The following HPS5 variants were observed in gnomAD, a reference collection of about 807,000 sequenced individuals.
HPS5 encodes BLOC-2 complex member HPS5.
Under a neutral mutation model 128.0 loss-of-function variants are expected in HPS5, and 83 were observed. The observed-to-expected ratio is 0.65, with a 90% CI of 0.54 to 0.78. The LOEUF (loss-of-function observed/expected upper bound fraction) is 0.78. Ranked by LOEUF, HPS5 falls within the 30% of genes least tolerant of loss-of-function variation. The probability of loss-of-function intolerance (pLI) is 0.00; values close to 1 mark genes in which losing one functional copy is unlikely to be tolerated. For missense variants in HPS5, 1,281 were observed against 1,326.2 expected, an observed-to-expected ratio of 0.97 and a Z score of 0.53; for synonymous variants, 475 against 470.2, an observed-to-expected ratio of 1.01 and a Z score of -0.13.
At chr11:18,302,191 A>G (rs1023964555) in intron 8 of HPS5, among the ~76,000 whole-genome samples, 1 of 151,984 alleles carries the variant, frequency 6.6e-6, no homozygotes, top group African/African-American at 2.4e-5. Flanking sequence ...TCTGGTCTGG[A>G]GGACTCATTT....
chr11:18,291,942 A>G lies in HPS5; in HGVS notation c.1940T>C (p.Leu647Ser), dbSNP rs781166596. 1.8e-4 allele frequency: 285 copies of G among 1,607,726 alleles called. No homozygotes were observed. The highest frequency in any genetic ancestry group is 2.4e-4 in the Non-Finnish European group (279 of 1,178,520). The stretch of plus-strand genomic sequence containing the variant: ...GTCCTTCATGGCAAATGTTTTTTCT[A>G]AATGTGAAAGCCACTCCTGTAAAAC... Reference protein sequence around the residue: ...RMVLQEWLSHLEKTFAMKDFS... With the variant: ...RMVLQEWLSHSEKTFAMKDFS... Residue 647 changes from leucine (L) to serine (S), a missense_variant, in exon 16 of 23, where the codon TTA becomes TCA. Leu to Ser is a moderately radical substitution (Grantham distance 145). Coordinates refer to ENST00000349215, the MANE Select transcript of HPS5 (RefSeq NM_181507.2).
At position 18,297,564 on chromosome 11, in the gene HPS5, A is replaced by T; in HGVS notation, c.1318T>A (p.Ser440Thr). Residue 440 changes from serine to threonine, a missense_variant, in exon 11 of 23, where the codon TCA becomes ACA. Physicochemically the swap from Ser to Thr is moderately conservative, Grantham distance 58. Coordinates refer to ENST00000349215, the MANE Select transcript of HPS5 (RefSeq NM_181507.2). ...ACSSRRSSISSHESFSILDSG... is the reference protein window; with the variant it reads ...ACSSRRSSISTHESFSILDSG... The stretch of plus-strand genomic sequence containing the variant: ...TTAAAGGTGAGAATACTTACATGTG[A>T]TGAAATGGAGCTTCTTCTACTGCTA... 1 of 1,613,586 alleles carries T rather than the reference A, an allele frequency of 6.2e-7. No homozygotes were observed. The highest frequency in any genetic ancestry group is 8.5e-7 in the Non-Finnish European group (1 of 1,179,732).
At chr11:18,311,674 CT>C in intron 3 of HPS5, 1 of 559,700 alleles carries the variant, frequency 1.8e-6, no homozygotes, top group Non-Finnish European at 3.2e-6. Context: ...CCACGCCCAG[CT>C]AATTTTTGTG....
chr11:18,309,216 T>G, intron 5 of HPS5, 137 bp from the exon 6 acceptor site: 5 of 810,422 alleles, frequency 6.2e-6, no homozygotes, highest in Non-Finnish European at 9.9e-6. Flanking sequence ...TTAATTTGCT[T>G]GTAAGGATAT....
At chr11:18,283,618 T>C (rs1164892127) in intron 21 of HPS5, among the ~76,000 whole-genome samples, 177 bp downstream of exon 21, 1 of 152,030 alleles carries the variant, frequency 6.6e-6, no homozygotes, top group Admixed American at 6.6e-5. Context: ...TCATAACATA[T>C]CAAGGGCTAT....
At position 18,278,928 on chromosome 11, in the gene HPS5, T is replaced by C. The variant is rs1050098604; in HGVS notation, c.*954A>G. 1.3e-5 allele frequency: 2 copies of C among 152,434 alleles called. No homozygotes were observed. The highest frequency in any genetic ancestry group is 4.8e-5 in the African/African-American group (2 of 41,454). The allele number at this position is 152,434 out of a possible 1,614,324, so 9.4% of individuals were successfully genotyped here. On this transcript the variant is annotated 3_prime_UTR_variant, in exon 23 of 23. Coordinates refer to ENST00000349215, the MANE Select transcript of HPS5 (RefSeq NM_181507.2). ...GCTTCTTAGAAATAATTTTAAAAAG[T>C]GCATGATTCTTGTGGGCTACTCTGT...
chr11:18,298,674 G>GT, intron 10 of HPS5, 118 bp downstream of exon 10: 1 of 941,876 alleles, frequency 1.1e-6, no homozygotes, highest in East Asian at 2.4e-5. Context: ...ATGTATTGCT[G>GT]TATCTGTAGG....
Position 18,297,106 on chromosome 11 carries a change from T to G in HPS5, c.1324-122A>C, listed in dbSNP as rs893312327. On this transcript the variant is annotated intron_variant, in intron 11 of 22. Transcript: ENST00000349215. Reference sequence around the variant, plus strand: ...AGTTAATAACAACCATTATGGCTTATTAGAACAAACTGATGAGCAAGGCTT... The same window carrying G: ...AGTTAATAACAACCATTATGGCTTAGTAGAACAAACTGATGAGCAAGGCTT... 6 of 740,026 alleles carry G rather than the reference T, an allele frequency of 8.1e-6. No homozygotes were observed. The East Asian group carries it at 1.6e-4, about 20-fold the overall frequency. The allele number at this position is 740,026 out of a possible 1,614,324, so 45.8% of individuals were successfully genotyped here.
intron 1 of HPS5, among the ~76,000 whole-genome samples, chr11:18,321,166 T>C (rs1864276279): frequency 2.0e-5 from 3 of 152,184 alleles, no homozygotes; most frequent in Admixed American, 6.5e-5. Flanking sequence ...AATATATACA[T>C]AATATTGTAC....
At chr11:18,287,722 A>C in intron 17 of HPS5, 32 bp from the exon 18 acceptor site, 2 of 1,612,180 alleles carry the variant, frequency 1.2e-6, no homozygotes, top group South Asian at 1.1e-5. Context: ...TTTAGTCTCT[A>C]ATTTCAGTGA....
At chr11:18,290,317 T>C (rs891045889) in intron 16 of HPS5, among the ~76,000 whole-genome samples, 1 of 152,228 alleles carries the variant, frequency 6.6e-6, no homozygotes. Flanking sequence ...TATGAGTTAC[T>C]TCATTATCAG....
At chr11:18,280,659 G>T in intron 22 of HPS5, 1 of 670,406 alleles carries the variant, frequency 1.5e-6, no homozygotes, top group South Asian at 1.6e-5. Context: ...ACAGATGAAT[G>T]GATAAACAAA....
At chr11:18,302,822 CGGGGG>C (rs1222065101) in intron 8 of HPS5, among the ~76,000 whole-genome samples, 1 of 1,602 alleles carries the variant, frequency 6.2e-4, no homozygotes, top group African/African-American at 2.7e-3. Context: ...AGAAAAAAAG[CGGGGG>C]GGGGGGGGGT....
intron 16 of HPS5, among the ~76,000 whole-genome samples, chr11:18,289,325 A>C (rs944863277): frequency 6.6e-6 from 1 of 152,222 alleles, no homozygotes; most frequent in Non-Finnish European, 1.5e-5. Context: ...TAAACCAGAC[A>C]TATCCACCTA....
chr11:18,293,262 A>G (rs1860658258), intron 14 of HPS5, among the ~76,000 whole-genome samples: 1 of 151,950 alleles, frequency 6.6e-6, no homozygotes, highest in Non-Finnish European at 1.5e-5. Context: ...TCCACCTCCC[A>G]GGTTCACACC....
At chr11:18,303,891 A>AAGGG (rs1862042799) in intron 8 of HPS5, among the ~76,000 whole-genome samples, 2 of 151,970 alleles carry the variant, frequency 1.3e-5, no homozygotes, top group Non-Finnish European at 2.9e-5. Context: ...GGGACTTCCC[A>AAGGG]ATACCCCGCA....
intron 14 of HPS5, among the ~76,000 whole-genome samples, chr11:18,293,294 G>A (rs894998799): frequency 1.6e-4 from 25 of 151,940 alleles, no homozygotes; most frequent in African/African-American, 6.0e-4. Flanking sequence ...TCAGCCTCCC[G>A]AATAGCTGGG....
intron 12 of HPS5, chr11:18,296,427 G>A (rs548867898): frequency 2.4e-5 from 13 of 540,022 alleles, no homozygotes; most frequent in African/African-American, 1.5e-4. Context: ...CTCGCACATC[G>A]AAAAAGGAAG....
chr11:18,318,201 T>C (rs1305897459), intron 1 of HPS5, among the ~76,000 whole-genome samples: 1 of 152,156 alleles, frequency 6.6e-6, no homozygotes, highest in Non-Finnish European at 1.5e-5. Context: ...TTTAGGAAAA[T>C]TGGCATATCA....
Sources: gnomAD v4.1 joint callset for allele counts (sites outside exome capture counted in the v4.1 genomes callset) on GRCh38, gnomAD v4.1.1 for gene constraint, MANE v1.5 for transcripts, NCBI Gene and HGNC (gene_info 2026-07-23, HGNC 2026-07-21) for gene names.